Variants in STX7 observed in about 807,000 individuals in gnomAD.
The protein encoded by STX7 is syntaxin-7.
STX7 carries 34 observed loss-of-function variants against 39.6 expected under a neutral mutation model. That is an observed-to-expected ratio of 0.86 (90% CI 0.65 to 1.14). The LOEUF (loss-of-function observed/expected upper bound fraction) is 1.14, where lower values mean the gene tolerates loss of function less well. Among genes scored for constraint, STX7 ranks in the 50% most tolerant of loss-of-function variants. The pLI is 0.00. For missense variants in STX7, 284 were observed against 310.4 expected (o/e 0.92, Z 0.64); for synonymous variants, 119 against 99.1 (o/e 1.20, Z -1.19).
At chr6:132,491,516 C>T (rs761909543) in intron 2 of STX7, among the ~76,000 whole-genome samples, 7 of 152,158 alleles carry the variant, frequency 4.6e-5, no homozygotes, top group Admixed American at 2.0e-4. Flanking sequence ...CCTTGGGCCG[C>T]CCCTCACTCT....
In STX7 at chr6:132,460,707, C is replaced by T; in HGVS notation, c.*51G>A. 7.6e-7 allele frequency: 1 copy of T among 1,311,270 alleles called. No homozygotes were observed. The highest frequency in any genetic ancestry group is 1.1e-6 in the Non-Finnish European group (1 of 926,642). 81.2% of individuals were successfully genotyped at this position (1,311,270 alleles called of 1,614,324 possible). On this transcript the variant is annotated 3_prime_UTR_variant, in exon 10 of 10. Coordinates refer to ENST00000367941, the MANE Select transcript of STX7 (RefSeq NM_003569.3). ...ATTAAAAAAACATGATTACAGGAAT[C>T]TTCCTACATAATTTAGACAATGTAG... is the stretch of plus-strand genomic sequence containing the variant.
chr6:132,494,576 G>A (rs1053075021), intron 2 of STX7, among the ~76,000 whole-genome samples: 2 of 152,046 alleles, frequency 1.3e-5, no homozygotes, highest in African/African-American at 2.4e-5. Context: ...GAAGATGTCT[G>A]AAGCAGAAGA....
intron 1 of STX7, among the ~76,000 whole-genome samples, chr6:132,508,178 C>CA (rs1387991827): frequency 2.0e-5 from 3 of 152,220 alleles, no homozygotes; most frequent in Non-Finnish European, 4.4e-5. Context: ...AGAAACTCAT[C>CA]ACCTGTCTCA....
At chr6:132,462,281 T>A (rs753411922) in intron 9 of STX7, among the ~76,000 whole-genome samples, 1 of 152,208 alleles carries the variant, frequency 6.6e-6, no homozygotes, top group African/African-American at 2.4e-5. Context: ...AACAGAACTA[T>A]TGGAAAGCTG....
intron 2 of STX7, among the ~76,000 whole-genome samples, chr6:132,487,751 T>C (rs1370258147): frequency 1.3e-5 from 2 of 152,240 alleles, no homozygotes; most frequent in Admixed American, 6.5e-5. Context: ...ATAAAATATG[T>C]AGAATTTATA....
At chr6:132,470,699 AT>A in intron 5 of STX7, 73 bp from the exon 6 acceptor site, 2 of 1,032,978 alleles carry the variant, frequency 1.9e-6, no homozygotes, top group Non-Finnish European at 3.0e-6. Flanking sequence ...AAACACTCAT[AT>A]TTTCCCTTAT....
intron 2 of STX7, among the ~76,000 whole-genome samples, chr6:132,485,223 T>C (rs1224570729): frequency 3.3e-5 from 5 of 152,208 alleles, no homozygotes; most frequent in African/African-American, 1.2e-4. Flanking sequence ...ATCACTAATA[T>C]GCTTTCTGTT....
intron 2 of STX7, among the ~76,000 whole-genome samples, chr6:132,479,402 G>A (rs886892043): frequency 6.6e-6 from 1 of 152,170 alleles, no homozygotes; most frequent in Non-Finnish European, 1.5e-5. Flanking sequence ...GAAAAACACA[G>A]GGGTCCCTTA....
chr6:132,474,454 T>C (rs1432869541), intron 3 of STX7, among the ~76,000 whole-genome samples: 1 of 152,174 alleles, frequency 6.6e-6, no homozygotes, highest in Non-Finnish European at 1.5e-5. Context: ...TAATTGTAAG[T>C]CCTTCAAATT....
In STX7 at chr6:132,453,992, C is replaced by T. The variant is rs1774192467; in HGVS notation, c.*6766G>A. The T allele has an allele frequency of 6.6e-6, 1 of 152,070 alleles. No homozygotes were observed. Among genetic ancestry groups the T allele is most frequent in the African/African-American group, 2.4e-5 (1 of 41,406 alleles). The allele number at this position is 152,070 out of a possible 1,614,324, so 9.4% of individuals were successfully genotyped here. A position where few individuals can be genotyped will look rare whatever the true frequency, so the allele number is the denominator to read the frequency against. ...ACTTGTACACAAATGTTTATAGCAACTTTATTTATAGTAGCCAAAAACTGG... is the reference window on the plus strand; with the variant it reads ...ACTTGTACACAAATGTTTATAGCAATTTTATTTATAGTAGCCAAAAACTGG... On this transcript the variant is annotated 3_prime_UTR_variant, in exon 10 of 10. Coordinates refer to ENST00000367941, the MANE Select transcript of STX7 (RefSeq NM_003569.3).
chr6:132,460,595 ATTTAATCCAAAGGAACCACCCCAACCCC>A lies in STX7; in HGVS notation c.*135_*162del. ...ATCTTTCAGTATTAGAAAATATCAG[ATTTAATCCAAAGGAACCACCCCAACCCC>A]CCCAATAAAAATAACAAAGTATGGG... On this transcript the variant is annotated 3_prime_UTR_variant, in exon 10 of 10. Transcript: ENST00000367941. The A allele has an allele frequency of 6.2e-6, 3 of 487,674 alleles. No homozygotes were observed. Among genetic ancestry groups the A allele is most frequent in the Non-Finnish European group, 1.1e-5 (3 of 282,768 alleles). The allele number at this position is 487,674 out of a possible 1,614,324, so 30.2% of individuals were successfully genotyped here. A position where few individuals can be genotyped will look rare whatever the true frequency, so the allele number is the denominator to read the frequency against.
rs1364607500 is a variant in STX7 at position 132,456,046 on chromosome 6, A to G, written c.*4712T>C. 1 of 152,164 alleles carries G rather than the reference A, an allele frequency of 6.6e-6. No individual in the cohort carries two copies. The highest frequency in any genetic ancestry group is 6.5e-5 in the Admixed American group (1 of 15,272). 9.4% of individuals were successfully genotyped at this position (152,164 alleles called of 1,614,324 possible). On this transcript the variant is annotated 3_prime_UTR_variant, in exon 10 of 10. Coordinates refer to ENST00000367941, the MANE Select transcript of STX7 (RefSeq NM_003569.3). ...CCTTCTGTCTAGTGCTTTGCCCTCT[A>G]TTTGGGGCAGTAATTCTATACATAT...
intron 3 of STX7, among the ~76,000 whole-genome samples, chr6:132,475,071 T>C (rs1314531930): frequency 6.6e-6 from 1 of 151,844 alleles, no homozygotes; most frequent in African/African-American, 2.4e-5. Context: ...ACCTAAAAAC[T>C]GTAAGAAATG....
chr6:132,488,897 G>A (rs1775207235), intron 2 of STX7, among the ~76,000 whole-genome samples: 1 of 151,970 alleles, frequency 6.6e-6, no homozygotes. Context: ...AGGGTGGTTT[G>A]GAGTGTTAAA....
At chr6:132,468,246 C>T (rs549557309) in intron 8 of STX7, among the ~76,000 whole-genome samples, 157 bp downstream of exon 8, 3 of 152,244 alleles carry the variant, frequency 2.0e-5, no homozygotes, top group Admixed American at 2.0e-4. Flanking sequence ...TTAGATAATG[C>T]CAAGGGTGAT....
At chr6:132,494,754 G>T (rs2114451252) in intron 2 of STX7, among the ~76,000 whole-genome samples, 1 of 152,276 alleles carries the variant, frequency 6.6e-6, no homozygotes. Flanking sequence ...GCATGGTGGG[G>T]ATTTATATCT....
intron 8 of STX7, among the ~76,000 whole-genome samples, chr6:132,468,123 G>A (rs1286686351): frequency 1.3e-5 from 2 of 152,172 alleles, no homozygotes; most frequent in East Asian, 3.9e-4. Flanking sequence ...CTGGAATAAT[G>A]TTTCATGGTG....
At position 132,495,130 on chromosome 6, in the gene STX7, G is replaced by A. The variant is rs531246730; in HGVS notation, c.85+8316C>T. 1.4e-4 allele frequency among the ~76,000 whole-genome samples: 22 copies of A among 152,280 alleles called. No homozygotes were observed. In the South Asian group the frequency reaches 1.4e-3, roughly 10 times the overall value. On this transcript the variant is annotated intron_variant, in intron 2 of 9. Transcript: ENST00000367941. ...GTATGGTTCACAGATAGGAGAGTGAGGGATAAAGCTCCTTGAAGCATCTTG... is the reference window on the plus strand; with the variant it reads ...GTATGGTTCACAGATAGGAGAGTGAAGGATAAAGCTCCTTGAAGCATCTTG...
Position 132,457,246 on chromosome 6 carries a change from A to G in STX7, c.*3512T>C, listed in dbSNP as rs1774265176. ...GTTTTTCTAACTGAATTGTTAAAAT[A>G]TGCAAAATTCACATTAAAGAAGTTT... On this transcript the variant is annotated 3_prime_UTR_variant, in exon 10 of 10. Transcript: ENST00000367941. 1 of 152,258 alleles carries G rather than the reference A, an allele frequency of 6.6e-6. No individual in the cohort carries two copies. Among genetic ancestry groups the G allele is most frequent in the African/African-American group, 2.4e-5 (1 of 41,470 alleles). 9.4% of individuals were successfully genotyped at this position (152,258 alleles called of 1,614,324 possible). A position where few individuals can be genotyped will look rare whatever the true frequency, so the allele number is the denominator to read the frequency against.
Sources: allele counts gnomAD v4.1 joint callset (sites outside exome capture counted in the v4.1 genomes callset), GRCh38; gene constraint gnomAD v4.1.1; transcripts MANE v1.5; gene names NCBI Gene and HGNC (gene_info 2026-07-23, HGNC 2026-07-21).